DNAH11: variants seen among roughly 807,000 people sequenced by gnomAD.
DNAH11 encodes the protein dynein axonemal heavy chain 11.
DNAH11 carries 442 observed loss-of-function variants against 526.0 expected under a neutral mutation model. The ratio of observed to expected loss-of-function variants is 0.84; its 90% CI spans 0.78 to 0.91. The LOEUF is 0.91. DNAH11 is among the 40% of genes least tolerant of loss of function. The probability of loss-of-function intolerance (pLI) is 0.00; values close to 1 mark genes in which losing one functional copy is unlikely to be tolerated. For synonymous variants in DNAH11, 2,461 were observed against 1,935.9 expected (o/e 1.27, Z -7.12); for missense variants, 6,989 against 5,448.7 (o/e 1.28, Z -8.90).
intron 37 of DNAH11, among the ~76,000 whole-genome samples, chr7:21,704,042 A>T (rs989761123): frequency 7.2e-5 from 11 of 152,226 alleles, no homozygotes; most frequent in African/African-American, 1.2e-4. Context: ...AAAACTAAAA[A>T]TGTTTGAGAT....
At position 21,704,760 on chromosome 7, in the gene DNAH11, A is replaced by G. The variant is rs1361578416; in HGVS notation, c.6468+132A>G. ...AGGATCTTAATATATGCTTTCAAGC[A>G]TTTTCATATGGCAGGATTAAGTAAA... On this transcript the variant is annotated intron_variant, in intron 38 of 81. Transcript: ENST00000409508. 6 of 979,218 alleles carry G rather than the reference A, an allele frequency of 6.1e-6. No individual in the cohort carries two copies. In the African/African-American group the frequency reaches 8.4e-5, roughly 14 times the overall value. 60.7% of individuals were successfully genotyped at this position (979,218 alleles called of 1,614,324 possible).
In DNAH11 at chr7:21,864,570, A is replaced by G; in HGVS notation, c.11409A>G (p.Glu3803=). ...GAAAGAAAGAGATAGACCCTCTTGA[A>G]TTGGATTTCCTGCTTCGATTCACAG... ...LLRKKEIDPL[E]LDFLLRFTVE... Residue 3803 remains glutamate (E), a synonymous_variant, in exon 70 of 82, where the codon GAA becomes GAG. Coordinates refer to ENST00000409508, the MANE Select transcript of DNAH11 (RefSeq NM_001277115.2). The G allele has an allele frequency of 6.2e-7, 1 of 1,612,210 alleles. No homozygotes were observed.
chr7:21,857,168 A>G (rs766917609), intron 68 of DNAH11, among the ~76,000 whole-genome samples: 9 of 152,220 alleles, frequency 5.9e-5, no homozygotes, highest in African/African-American at 1.2e-4. Flanking sequence ...GTATTTCTAT[A>G]CATGAGAAAC....
At chr7:21,699,921 A>G (rs2128477580) in intron 36 of DNAH11, among the ~76,000 whole-genome samples, 1 of 152,268 alleles carries the variant, frequency 6.6e-6, no homozygotes, top group African/African-American at 2.4e-5. Flanking sequence ...ACTTTGAAGA[A>G]TTTAGGTAAT....
rs565859674 is a variant in DNAH11, at chr7:21,604,902, A to T, written c.3649-1524A>T. On this transcript the variant is annotated intron_variant, in intron 18 of 81. Coordinates refer to ENST00000409508, the MANE Select transcript of DNAH11 (RefSeq NM_001277115.2). Reference sequence around the variant, plus strand: ...TACAGAGGGCGGATGCAGAGTTTTGATGAGAAGCCACGAGAGGGAAGGACA... The same window carrying T: ...TACAGAGGGCGGATGCAGAGTTTTGTTGAGAAGCCACGAGAGGGAAGGACA... Among the ~76,000 whole-genome samples the T allele has an allele frequency of 3.3e-5, 5 of 152,308 alleles. No individual in the cohort carries two copies. In the South Asian group the frequency reaches 1.0e-3, roughly 32 times the overall value.
chr7:21,601,510 A>C lies in DNAH11; in HGVS notation c.3540A>C (p.Arg1180Ser). 1 of 1,613,782 alleles carries C rather than the reference A, an allele frequency of 6.2e-7. No individual in the cohort carries two copies. Among genetic ancestry groups the C allele is most frequent in the Non-Finnish European group, 8.5e-7 (1 of 1,179,804 alleles). Residue 1180 changes from arginine to serine, a missense_variant, in exon 18 of 82, where the codon AGA becomes AGC. Transcript: ENST00000409508. Reference protein sequence around the residue: ...VDIMVHLLAVRSRQRATDELF... With the variant: ...VDIMVHLLAVSSRQRATDELF... Reference sequence around the variant, plus strand: ...TCATGGTGCATCTTCTGGCTGTAAGAAGCCGACAGAGAGCTACTGATGAAC... The same window carrying C: ...TCATGGTGCATCTTCTGGCTGTAAGCAGCCGACAGAGAGCTACTGATGAAC...
At chr7:21,788,618 G>A (rs1486410760) in intron 60 of DNAH11, among the ~76,000 whole-genome samples, 4 of 152,042 alleles carry the variant, frequency 2.6e-5, no homozygotes, top group African/African-American at 9.7e-5. Flanking sequence ...TTCTCAGATG[G>A]TCCATTCAAA....
intron 2 of DNAH11, among the ~76,000 whole-genome samples, chr7:21,547,460 T>G (rs1393030066): frequency 6.6e-6 from 1 of 152,210 alleles, no homozygotes. Context: ...GCAGGTAATT[T>G]ACTTCCTAGC....
chr7:21,891,438 T>C (rs1022523034), intron 76 of DNAH11, among the ~76,000 whole-genome samples: 1 of 152,154 alleles, frequency 6.6e-6, no homozygotes, highest in Non-Finnish European at 1.5e-5. Flanking sequence ...CCCTGGAAAC[T>C]AAAGAGCAAT....
At chr7:21,665,679 T>G (rs562534459) in intron 30 of DNAH11, among the ~76,000 whole-genome samples, 2 of 152,280 alleles carry the variant, frequency 1.3e-5, no homozygotes, top group Admixed American at 6.5e-5. Flanking sequence ...AAATAGTGCT[T>G]CTTTTTTCAT....
At chr7:21,623,094 T>A (rs1176719017) in intron 25 of DNAH11, among the ~76,000 whole-genome samples, 1 of 151,538 alleles carries the variant, frequency 6.6e-6, no homozygotes. Context: ...ATATCCAGAA[T>A]CTACAATGAA....
At chr7:21,649,945 G>T (rs1372055433) in intron 28 of DNAH11, among the ~76,000 whole-genome samples, 1 of 152,096 alleles carries the variant, frequency 6.6e-6, no homozygotes, top group African/African-American at 2.4e-5. Flanking sequence ...GATTACACAC[G>T]TGAGCCCCCA....
chr7:21,657,909 C>A (rs1428740722), intron 29 of DNAH11, among the ~76,000 whole-genome samples: 1 of 152,156 alleles, frequency 6.6e-6, no homozygotes, highest in Non-Finnish European at 1.5e-5. Context: ...AGGAATGCTG[C>A]TGCTCTCTTC....
At chr7:21,747,453 A>G (rs1281252584) in intron 51 of DNAH11, among the ~76,000 whole-genome samples, 4 of 152,214 alleles carry the variant, frequency 2.6e-5, no homozygotes, top group Admixed American at 6.5e-5. Context: ...AAATGATGGC[A>G]TCAAATTTGG....
chr7:21,625,940 T>C (rs1005968902), intron 25 of DNAH11, among the ~76,000 whole-genome samples: 1 of 152,164 alleles, frequency 6.6e-6, no homozygotes, highest in Non-Finnish European at 1.5e-5. Flanking sequence ...TTTTTTTATA[T>C]TGATGCGTAA....
chr7:21,899,557 C>G, intron 80 of DNAH11, 109 bp downstream of exon 80: 1 of 840,374 alleles, frequency 1.2e-6, no homozygotes, highest in Non-Finnish European at 1.9e-6. Flanking sequence ...CACCAATCCT[C>G]AAGCAGCAGC....
chr7:21,697,384 G>A (rs1401017201), intron 35 of DNAH11, among the ~76,000 whole-genome samples: 2 of 152,064 alleles, frequency 1.3e-5, no homozygotes, highest in Non-Finnish European at 2.9e-5. Flanking sequence ...GGCAGTGGCT[G>A]GCACAAGCTC....
intron 65 of DNAH11, among the ~76,000 whole-genome samples, chr7:21,827,666 A>T (rs1583744334): frequency 9.3e-6 from 1 of 107,428 alleles, no homozygotes; most frequent in East Asian, 1.0e-3. Flanking sequence ...ATTTTTACAG[A>T]AATAGAGGGA....
intron 54 of DNAH11, among the ~76,000 whole-genome samples, chr7:21,756,853 G>C (rs1040463664): frequency 1.3e-5 from 2 of 152,150 alleles, no homozygotes; most frequent in African/African-American, 2.4e-5. Flanking sequence ...TATAATAATT[G>C]ACCTCTTCCG....
Sources: allele counts gnomAD v4.1 joint callset (sites outside exome capture counted in the v4.1 genomes callset), GRCh38; gene constraint gnomAD v4.1.1; transcripts MANE v1.5; gene names NCBI Gene and HGNC (gene_info 2026-07-23, HGNC 2026-07-21).